Variants in LRFN2 observed in about 807,000 individuals in gnomAD.
The protein encoded by LRFN2 is leucine rich repeat and fibronectin type III domain containing 2.
In LRFN2, 18 loss-of-function variants were observed where a neutral mutation model predicts 37.3. The observed-to-expected ratio is 0.48, with a 90% CI of 0.33 to 0.72. The LOEUF (loss-of-function observed/expected upper bound fraction) is 0.72, where lower values mean the gene tolerates loss of function less well. Among genes scored for constraint, LRFN2 ranks in the 30% least tolerant of loss-of-function variants. The pLI is 0.02. For synonymous variants in LRFN2, 556 were observed against 466.6 expected, an observed-to-expected ratio of 1.19 and a Z score of -2.47; for missense variants, 1,006 against 1,060.7, an observed-to-expected ratio of 0.95 and a Z score of 0.72.
intron 1 of LRFN2, among the ~76,000 whole-genome samples, chr6:40,450,093 T>C (rs977498209): frequency 3.3e-5 from 5 of 152,208 alleles, no homozygotes; most frequent in Non-Finnish European, 7.3e-5. Flanking sequence ...AGAAAAGTCT[T>C]TTGAAACAGA....
chr6:40,578,842 CT>C (rs1291838827), intron 1 of LRFN2, among the ~76,000 whole-genome samples: 1 of 152,170 alleles, frequency 6.6e-6, no homozygotes, highest in Non-Finnish European at 1.5e-5. Flanking sequence ...GAATAACCCA[CT>C]CAAGTTCACA....
chr6:40,393,496 G>C (rs1317889816), intron 2 of LRFN2, among the ~76,000 whole-genome samples: 1 of 151,416 alleles, frequency 6.6e-6, no homozygotes, highest in Non-Finnish European at 1.5e-5. Flanking sequence ...AGGAGTGGGG[G>C]AGACTCAAGC....
chr6:40,515,626 C>T (rs1335689734), intron 1 of LRFN2, among the ~76,000 whole-genome samples: 6 of 152,280 alleles, frequency 3.9e-5, no homozygotes, highest in African/African-American at 1.2e-4. Flanking sequence ...CGGTGGCTCA[C>T]GCCTGTAATC....
chr6:40,442,942 C>T (rs1321474271), intron 1 of LRFN2, among the ~76,000 whole-genome samples: 1 of 152,208 alleles, frequency 6.6e-6, no homozygotes. Flanking sequence ...GCAGTTATCA[C>T]CCTGCCCTGT....
At chr6:40,498,231 G>T (rs1350373319) in intron 1 of LRFN2, among the ~76,000 whole-genome samples, 1 of 152,108 alleles carries the variant, frequency 6.6e-6, no homozygotes, top group African/African-American at 2.4e-5. Flanking sequence ...AGCTGGAAGG[G>T]TCTGTCACAG....
Position 40,431,751 on chromosome 6 carries a change from G to T in LRFN2, c.1363C>A (p.Gln455Lys). The part of the protein sequence containing the change: ...SAPRVKMYQL[Q>K]YNCSDDEVLI... ...ACCTCATCGTCAGAGCAGTTGTACTGCAGCTGGTACATCTTCACCCGGGGT... is the reference window on the plus strand; with the variant it reads ...ACCTCATCGTCAGAGCAGTTGTACTTCAGCTGGTACATCTTCACCCGGGGT... Residue 455 changes from glutamine (Q) to lysine (K), a missense_variant, in exon 2 of 3, where the codon CAG becomes AAG. Around this residue, in one of 4 missense-constraint regions of LRFN2, gnomAD observed 120 missense variants for 178.4 expected, o/e 0.67. Coordinates refer to ENST00000338305, the MANE Select transcript of LRFN2 (RefSeq NM_020737.3). The T allele has an allele frequency of 6.6e-7, 1 of 1,522,708 alleles. No individual in the cohort carries two copies. Among genetic ancestry groups the T allele is most frequent in the Non-Finnish European group, 8.8e-7 (1 of 1,135,700 alleles). 94.3% of individuals were successfully genotyped at this position (1,522,708 alleles called of 1,614,324 possible).
At chr6:40,451,867 A>T (rs1764118924) in intron 1 of LRFN2, among the ~76,000 whole-genome samples, 1 of 152,218 alleles carries the variant, frequency 6.6e-6, no homozygotes, top group African/African-American at 2.4e-5. Flanking sequence ...CCATCTGGCT[A>T]TCCAGAAATA....
intron 1 of LRFN2, among the ~76,000 whole-genome samples, chr6:40,560,231 G>T (rs750515507): frequency 2.6e-5 from 4 of 152,026 alleles, no homozygotes; most frequent in Non-Finnish European, 5.9e-5. Flanking sequence ...AGCCACCAAC[G>T]CCTGCACCCA....
Position 40,411,496 on chromosome 6 carries a change from G to T in LRFN2, c.1401-18584C>A, listed in dbSNP as rs541528360. Among the ~76,000 whole-genome samples the T allele has an allele frequency of 2.6e-5, 4 of 152,328 alleles. No individual in the cohort carries two copies. The South Asian group carries it at 6.2e-4, about 24-fold the overall frequency. ...ACATGCACAGGTCGGGTGAACACTC[G>T]AATCAGCGTCCTTACAAAGGCCACA... On this transcript the variant is annotated intron_variant, in intron 2 of 2. Coordinates refer to ENST00000338305, the MANE Select transcript of LRFN2 (RefSeq NM_020737.3).
chr6:40,444,214 C>T (rs1313200527), intron 1 of LRFN2, among the ~76,000 whole-genome samples: 4 of 152,022 alleles, frequency 2.6e-5, no homozygotes, highest in South Asian at 2.1e-4. Flanking sequence ...TCAGCTTTCT[C>T]AATGAGTTAT....
At chr6:40,448,567 A>T (rs901700478) in intron 1 of LRFN2, among the ~76,000 whole-genome samples, 1 of 152,236 alleles carries the variant, frequency 6.6e-6, no homozygotes, top group Non-Finnish European at 1.5e-5. Flanking sequence ...AAAAAGATCA[A>T]ATACATAGAT....
chr6:40,398,280 G>A (rs1762656595), intron 2 of LRFN2, among the ~76,000 whole-genome samples: 1 of 151,924 alleles, frequency 6.6e-6, no homozygotes, highest in Non-Finnish European at 1.5e-5. Flanking sequence ...TCCTCTGGGG[G>A]CAAAGTCACC....
chr6:40,403,516 C>T (rs1295689638), intron 2 of LRFN2, among the ~76,000 whole-genome samples: 1 of 152,210 alleles, frequency 6.6e-6, no homozygotes, highest in African/African-American at 2.4e-5. Flanking sequence ...TGAGGCACCC[C>T]TGCCTTACTG....
At chr6:40,435,052 T>TATATATAGAGAG (rs1482968698) in intron 1 of LRFN2, among the ~76,000 whole-genome samples, 21 of 37,532 alleles carry the variant, frequency 5.6e-4, no homozygotes, top group Admixed American at 1.3e-3. Flanking sequence ...TATATATATA[T>TATATATAGAGAG]AGAGAGAGAG....
intron 1 of LRFN2, among the ~76,000 whole-genome samples, chr6:40,557,731 C>A (rs983853271): frequency 2.6e-5 from 4 of 152,152 alleles, no homozygotes; most frequent in African/African-American, 7.2e-5. Flanking sequence ...GGACCTCACT[C>A]TTCCATGTGA....
At chr6:40,451,641 T>G (rs956486930) in intron 1 of LRFN2, among the ~76,000 whole-genome samples, 3 of 152,202 alleles carry the variant, frequency 2.0e-5, no homozygotes, top group African/African-American at 7.2e-5. Context: ...AATTCGGTGG[T>G]GCCGTGTGGA....
chr6:40,460,166 C>T (rs1236475198), intron 1 of LRFN2, among the ~76,000 whole-genome samples: 1 of 152,136 alleles, frequency 6.6e-6, no homozygotes, highest in African/African-American at 2.4e-5. Flanking sequence ...TCCGGAGGCT[C>T]CTACTGACAG....
chr6:40,427,907 T>C (rs952163567), intron 2 of LRFN2, among the ~76,000 whole-genome samples: 2 of 152,210 alleles, frequency 1.3e-5, no homozygotes, highest in Non-Finnish European at 2.9e-5. Context: ...TAGACGGCAC[T>C]GTGATGCAGG....
intron 1 of LRFN2, among the ~76,000 whole-genome samples, chr6:40,468,730 G>A (rs565638861): frequency 4.1e-4 from 62 of 152,312 alleles, no homozygotes; most frequent in African/African-American, 1.2e-3. Context: ...GTGGGAGGAC[G>A]TGGCAGGAGA....
Sources: gnomAD v4.1 joint callset for allele counts (sites outside exome capture counted in the v4.1 genomes callset) on GRCh38, gnomAD v4.1.1 for gene constraint, gnomAD v4.1.1 regional missense constraint, MANE v1.5 for transcripts, NCBI Gene and HGNC (gene_info 2026-07-23, HGNC 2026-07-21) for gene names.